The following GTF2E1 variants were observed in gnomAD, a reference collection of about 807,000 sequenced individuals.
GTF2E1 encodes TFIIE alpha subunit.
Under a neutral mutation model 34.9 loss-of-function variants are expected in GTF2E1, and 14 were observed. The observed-to-expected ratio is 0.40, with a 90% CI of 0.27 to 0.63. The LOEUF (loss-of-function observed/expected upper bound fraction) is 0.63, where lower values mean the gene tolerates loss of function less well. Among genes scored for constraint, GTF2E1 ranks in the 20% least tolerant of loss-of-function variants. The pLI is 0.39. For synonymous variants in GTF2E1, 188 were observed against 192.9 expected (o/e 0.97, Z 0.21); for missense variants, 469 against 557.7 (o/e 0.84, Z 1.60).
intron 2 of GTF2E1, among the ~76,000 whole-genome samples, chr3:120,764,600 C>T (rs1709291380): frequency 6.6e-6 from 1 of 152,166 alleles, no homozygotes; most frequent in South Asian, 2.1e-4. Flanking sequence ...ATGGCTTATT[C>T]ATTTTATATA....
intron 1 of GTF2E1, among the ~76,000 whole-genome samples, chr3:120,745,872 G>T (rs1466346008): frequency 1.3e-5 from 2 of 152,138 alleles, no homozygotes; most frequent in Non-Finnish European, 2.9e-5. Context: ...CTTTGGTGTC[G>T]AGCCCAGGTA....
intron 1 of GTF2E1, among the ~76,000 whole-genome samples, chr3:120,747,618 T>C (rs1709119170): frequency 6.6e-6 from 1 of 152,256 alleles, no homozygotes; most frequent in Admixed American, 6.5e-5. Context: ...ATGGTGTATA[T>C]GTGCCACATT....
chr3:120,764,044 T>G (rs1709286823), intron 2 of GTF2E1, among the ~76,000 whole-genome samples: 1 of 152,208 alleles, frequency 6.6e-6, no homozygotes, highest in Non-Finnish European at 1.5e-5. Context: ...ATTTGCCTTT[T>G]TGCATGCTAT....
intron 1 of GTF2E1, among the ~76,000 whole-genome samples, chr3:120,748,483 C>G (rs1576355297): frequency 1.3e-5 from 2 of 152,182 alleles, no homozygotes; most frequent in African/African-American, 4.8e-5. Context: ...AGCCAGTTTT[C>G]CCAGCACCAT....
chr3:120,763,897 TC>T (rs1709285830), intron 2 of GTF2E1, among the ~76,000 whole-genome samples: 1 of 152,184 alleles, frequency 6.6e-6, no homozygotes, highest in African/African-American at 2.4e-5. Context: ...AAAGTCAAAG[TC>T]CTCAACAGAA....
At chr3:120,778,105 A>G (rs1709416608) in intron 4 of GTF2E1, among the ~76,000 whole-genome samples, 1 of 152,150 alleles carries the variant, frequency 6.6e-6, no homozygotes, top group South Asian at 2.1e-4. Flanking sequence ...GTTTTCCCCA[A>G]CTTGGCTTCT....
intron 2 of GTF2E1, among the ~76,000 whole-genome samples, chr3:120,767,144 A>G (rs1367937858): frequency 6.6e-6 from 1 of 152,086 alleles, no homozygotes; most frequent in Non-Finnish European, 1.5e-5. Context: ...TTCCTTTTGT[A>G]ATATTTGCTA....
At chr3:120,753,608 C>T (rs568590974) in intron 2 of GTF2E1, among the ~76,000 whole-genome samples, 3 of 152,302 alleles carry the variant, frequency 2.0e-5, no homozygotes, top group African/African-American at 7.2e-5. Flanking sequence ...GTATGGGCAG[C>T]TCTCTGCCAC....
chr3:120,779,209 T>G (rs1465368040), intron 4 of GTF2E1, among the ~76,000 whole-genome samples: 1 of 152,254 alleles, frequency 6.6e-6, no homozygotes, highest in East Asian at 1.9e-4. Context: ...GTGACTTAAT[T>G]TAGTTTACAA....
At chr3:120,774,699 A>G (rs1205397640) in intron 3 of GTF2E1, among the ~76,000 whole-genome samples, 3 of 152,014 alleles carry the variant, frequency 2.0e-5, no homozygotes, top group African/African-American at 7.2e-5. Context: ...GTCTAGACTT[A>G]GAGTGGAGAG....
chr3:120,768,152 G>T (rs763114924), intron 2 of GTF2E1, among the ~76,000 whole-genome samples: 3 of 152,176 alleles, frequency 2.0e-5, no homozygotes, highest in Non-Finnish European at 4.4e-5. Flanking sequence ...GTTGGATAAT[G>T]ATAATGCTAA....
chr3:120,779,495 C>T (rs1709429174), intron 4 of GTF2E1, among the ~76,000 whole-genome samples: 1 of 152,218 alleles, frequency 6.6e-6, no homozygotes, highest in Admixed American at 6.5e-5. Context: ...CTGACCTAAA[C>T]TTTTAACTTG....
intron 2 of GTF2E1, among the ~76,000 whole-genome samples, chr3:120,754,516 T>A (rs1355165981): frequency 6.6e-6 from 1 of 152,198 alleles, no homozygotes; most frequent in Non-Finnish European, 1.5e-5. Context: ...TATTTTTTGC[T>A]GGTATAGATA....
chr3:120,769,792 G>A (rs1238152119), intron 2 of GTF2E1, among the ~76,000 whole-genome samples: 1 of 152,148 alleles, frequency 6.6e-6, no homozygotes, highest in Non-Finnish European at 1.5e-5. Flanking sequence ...TCCTAGCTGT[G>A]AAGGGCTGCA....
Position 120,751,018 on chromosome 3 carries a change from T to G in GTF2E1, c.448+18T>G. The G allele has an allele frequency of 6.6e-7, 1 of 1,515,590 alleles. No individual in the cohort carries two copies. The highest frequency in any genetic ancestry group is 9.0e-7 in the Non-Finnish European group (1 of 1,106,298). 93.9% of individuals were successfully genotyped at this position (1,515,590 alleles called of 1,614,324 possible). On this transcript the variant is annotated intron_variant, in intron 2 of 4. Transcript: ENST00000283875. ...TATGACAGGTGAGGTTTATCCAGTT[T>G]GTGAATCTTTAAAATAAAGTGTGTA...
intron 2 of GTF2E1, among the ~76,000 whole-genome samples, chr3:120,760,788 G>T (rs1709253520): frequency 6.6e-6 from 1 of 152,144 alleles, no homozygotes; most frequent in Non-Finnish European, 1.5e-5. Context: ...CTTGATCTTG[G>T]TGGATAAGCT....
At chr3:120,749,045 C>G (rs1215888841) in intron 1 of GTF2E1, among the ~76,000 whole-genome samples, 3 of 152,238 alleles carry the variant, frequency 2.0e-5, no homozygotes, top group East Asian at 1.9e-4. Context: ...TGATTTGGCT[C>G]TCTTTTTGTC....
rs1422562830 is a variant in GTF2E1 at position 120,781,349 on chromosome 3, GCCGT to G, written c.1204_1207del (p.Pro402SerfsTer6). The G allele has an allele frequency of 6.2e-7, 1 of 1,614,010 alleles. No individual in the cohort carries two copies. The highest frequency in any genetic ancestry group is 1.3e-5 in the African/African-American group (1 of 74,924). On this transcript the variant is annotated frameshift_variant, in exon 5 of 5. Transcript: ENST00000283875. LOFTEE classifies it high-confidence loss of function. The stretch of plus-strand genomic sequence containing the variant: ...GATGACCCCATTGTCATGGTGGCTG[GCCGT>G]CCGTTCTCCTACAGTGAAGTGAGCC...
intron 2 of GTF2E1, among the ~76,000 whole-genome samples, chr3:120,770,138 T>C (rs1469659664): frequency 3.9e-5 from 6 of 152,198 alleles, no homozygotes; most frequent in Non-Finnish European, 1.5e-5. Flanking sequence ...AGGATGCATA[T>C]TCCTGTCTTT....
Sources: gnomAD v4.1 joint callset for allele counts (sites outside exome capture counted in the v4.1 genomes callset) on GRCh38, gnomAD v4.1.1 for gene constraint, MANE v1.5 for transcripts, NCBI Gene and HGNC (gene_info 2026-07-23, HGNC 2026-07-21) for gene names.